The following NTNG1 variants were observed in gnomAD, a reference collection of about 807,000 sequenced individuals.
The protein encoded by NTNG1 is netrin G1.
In NTNG1, 16 loss-of-function variants were observed where a neutral mutation model predicts 54.0. The observed-to-expected ratio is 0.30, with a 90% CI of 0.20 to 0.45. The LOEUF (loss-of-function observed/expected upper bound fraction) is 0.45, where lower values mean the gene tolerates loss of function less well. NTNG1 is among the 20% of genes least tolerant of loss of function. The probability of loss-of-function intolerance (pLI) is 1.00; values close to 1 mark genes in which losing one functional copy is unlikely to be tolerated. For missense variants in NTNG1, 530 were observed against 678.7 expected (o/e 0.78, Z 2.43); for synonymous variants, 255 against 263.1 (o/e 0.97, Z 0.30).
chr1:107,203,841 T>C (rs1034962302), intron 2 of NTNG1, among the ~76,000 whole-genome samples: 8 of 151,896 alleles, frequency 5.3e-5, no homozygotes, highest in African/African-American at 1.9e-4. Flanking sequence ...TTTTAAAATA[T>C]CTTTATCTTT....
intron 3 of NTNG1, among the ~76,000 whole-genome samples, chr1:107,327,090 T>C (rs867075607): frequency 7.2e-5 from 11 of 152,274 alleles, no homozygotes; most frequent in African/African-American, 1.7e-4. Flanking sequence ...TCCTGTTCAC[T>C]AGTCAACTGT....
intron 7 of NTNG1, among the ~76,000 whole-genome samples, chr1:107,474,838 A>C (rs1424545674): frequency 6.6e-6 from 1 of 152,174 alleles, no homozygotes; most frequent in Non-Finnish European, 1.5e-5. Flanking sequence ...TGAGCTAAAC[A>C]CTTCTTAAAG....
At chr1:107,443,745 A>G (rs1676128515) in intron 7 of NTNG1, among the ~76,000 whole-genome samples, 3 of 152,098 alleles carry the variant, frequency 2.0e-5, no homozygotes, top group African/African-American at 7.2e-5. Flanking sequence ...CATGTCTATC[A>G]ATCTCTATCA....
intron 1 of NTNG1, among the ~76,000 whole-genome samples, chr1:107,144,753 ACTTAATTTTAC>A (rs1386997563): frequency 3.3e-5 from 5 of 152,034 alleles, no homozygotes; most frequent in Admixed American, 3.3e-4. Flanking sequence ...GAGGGCCATG[ACTTAATTTTAC>A]CTTTTATTAT....
At chr1:107,345,660 C>T (rs1669178359) in intron 3 of NTNG1, among the ~76,000 whole-genome samples, 1 of 152,112 alleles carries the variant, frequency 6.6e-6, no homozygotes, top group Non-Finnish European at 1.5e-5. Context: ...GTCTGAATGT[C>T]ACCCACTGTA....
At chr1:107,404,434 G>A (rs2587900) in intron 4 of NTNG1, among the ~76,000 whole-genome samples, 145,154 of 152,232 alleles carry the variant, frequency 0.95, 69,593 homozygotes, top group East Asian at 1. Flanking sequence ...AATATGTATT[G>A]TTAATATTAA....
chr1:107,278,990 A>G (rs1414540145), intron 2 of NTNG1, among the ~76,000 whole-genome samples: 3 of 152,106 alleles, frequency 2.0e-5, no homozygotes, highest in Non-Finnish European at 4.4e-5. Context: ...CCAGGGTTTC[A>G]TGTTTGATCC....
chr1:107,165,604 A>G (rs1243098309), intron 2 of NTNG1, among the ~76,000 whole-genome samples: 1 of 152,170 alleles, frequency 6.6e-6, no homozygotes, highest in African/African-American at 2.4e-5. Flanking sequence ...TGTGTTCTCT[A>G]TTGTATCCCT....
chr1:107,471,436 C>T (rs989771649), intron 7 of NTNG1, among the ~76,000 whole-genome samples: 1 of 152,176 alleles, frequency 6.6e-6, no homozygotes, highest in Non-Finnish European at 1.5e-5. Flanking sequence ...TCCGTACCTC[C>T]CCTGGCCCCC....
At chr1:107,332,049 A>T (rs1026785477) in intron 3 of NTNG1, among the ~76,000 whole-genome samples, 4 of 152,130 alleles carry the variant, frequency 2.6e-5, no homozygotes, top group African/African-American at 9.7e-5. Context: ...TAGAATAAAG[A>T]CTTTATCGTA....
At chr1:107,146,673 A>T (rs1654144941) in intron 1 of NTNG1, among the ~76,000 whole-genome samples, 1 of 152,096 alleles carries the variant, frequency 6.6e-6, no homozygotes, top group African/African-American at 2.4e-5. Context: ...CACTTTTTCT[A>T]TTAGAAAATA....
At chr1:107,266,924 C>T (rs1330064724) in intron 2 of NTNG1, among the ~76,000 whole-genome samples, 1 of 152,122 alleles carries the variant, frequency 6.6e-6, no homozygotes, top group Non-Finnish European at 1.5e-5. Flanking sequence ...AGATTTCTTT[C>T]ACTTCATGTC....
At chr1:107,215,348 A>G (rs926163779) in intron 2 of NTNG1, among the ~76,000 whole-genome samples, 1 of 152,114 alleles carries the variant, frequency 6.6e-6, no homozygotes, top group Non-Finnish European at 1.5e-5. Context: ...ATTTTTCTAC[A>G]TGTGGCTTGC....
At chr1:107,417,288 C>G (rs180863761) in intron 5 of NTNG1, among the ~76,000 whole-genome samples, 1 of 152,126 alleles carries the variant, frequency 6.6e-6, no homozygotes, top group Admixed American at 6.6e-5. Context: ...TGTATGAGAA[C>G]ACAGCGAAAG....
chr1:107,371,433 T>G (rs528324199), intron 3 of NTNG1, among the ~76,000 whole-genome samples: 2 of 152,236 alleles, frequency 1.3e-5, no homozygotes, highest in Admixed American at 1.3e-4. Flanking sequence ...TGATAGATTC[T>G]ATAGCTAGTA....
chr1:107,216,212 C>T lies in NTNG1; in HGVS notation c.246+67373C>T, dbSNP rs534411877. On this transcript the variant is annotated intron_variant, in intron 2 of 7. Coordinates refer to ENST00000370068, the MANE Select transcript of NTNG1 (RefSeq NM_001113226.3). Reference sequence around the variant, plus strand: ...AATAGAAGTGGTGAAAGTGGGCATCCTTGTCTTATTCCAGTTCTCAGGGGG... The same window carrying T: ...AATAGAAGTGGTGAAAGTGGGCATCTTTGTCTTATTCCAGTTCTCAGGGGG... Among the ~76,000 whole-genome samples the T allele has an allele frequency of 2.6e-5, 4 of 152,232 alleles. No individual in the cohort carries two copies. In the East Asian group the frequency reaches 7.7e-4, roughly 29 times the overall value.
intron 2 of NTNG1, among the ~76,000 whole-genome samples, chr1:107,203,757 A>C (rs1658945482): frequency 6.6e-6 from 1 of 151,474 alleles, no homozygotes; most frequent in African/African-American, 2.4e-5. Flanking sequence ...CCTTTACTCT[A>C]TACTTTGAAT....
intron 4 of NTNG1, among the ~76,000 whole-genome samples, chr1:107,396,716 T>G (rs555646587): frequency 6.6e-5 from 10 of 152,300 alleles, no homozygotes; most frequent in African/African-American, 2.4e-4. Flanking sequence ...TCAAATTTAG[T>G]TTAAAGCTTT....
intron 2 of NTNG1, among the ~76,000 whole-genome samples, chr1:107,156,672 T>C (rs970266893): frequency 5.3e-5 from 8 of 152,164 alleles, no homozygotes; most frequent in African/African-American, 1.9e-4. Flanking sequence ...TTGAGCTCAT[T>C]GTATTGTATT....
Sources: allele counts gnomAD v4.1 joint callset (sites outside exome capture counted in the v4.1 genomes callset), GRCh38; gene constraint gnomAD v4.1.1; transcripts MANE v1.5; gene names NCBI Gene and HGNC (gene_info 2026-07-23, HGNC 2026-07-21).